The following PRIMA1 variants were observed in gnomAD, a reference collection of about 807,000 sequenced individuals.
PRIMA1 encodes the protein proline rich membrane anchor 1.
PRIMA1 carries 7 observed loss-of-function variants against 17.5 expected under a neutral mutation model. The observed-to-expected ratio is 0.40, with a 90% CI of 0.23 to 0.75. PRIMA1 has a LOEUF of 0.75. PRIMA1 is among the 30% of genes least tolerant of loss of function. PRIMA1 has a pLI of 0.37. For missense variants in PRIMA1, 200 were observed against 201.8 expected, an observed-to-expected ratio of 0.99 and a Z score of 0.05; for synonymous variants, 97 against 77.9, an observed-to-expected ratio of 1.25 and a Z score of -1.29.
chr14:93,760,503 C>T (rs1458665021), intron 3 of PRIMA1, among the ~76,000 whole-genome samples: 1 of 152,108 alleles, frequency 6.6e-6, no homozygotes. Context: ...CTAACTTTCT[C>T]GGAGGCAGAG....
intron 2 of PRIMA1, among the ~76,000 whole-genome samples, chr14:93,785,864 A>G (rs896835110): frequency 3.3e-5 from 5 of 151,526 alleles, no homozygotes; most frequent in Admixed American, 2.0e-4. Context: ...ATACACCCGC[A>G]CACACACACA....
intron 3 of PRIMA1, among the ~76,000 whole-genome samples, chr14:93,743,811 C>A (rs1489012695): frequency 6.6e-6 from 1 of 152,222 alleles, no homozygotes; most frequent in Non-Finnish European, 1.5e-5. Context: ...TCCCCTTTGG[C>A]ACCACTCCCT....
intron 3 of PRIMA1, among the ~76,000 whole-genome samples, chr14:93,761,261 G>C (rs1407473804): frequency 1.3e-5 from 2 of 152,196 alleles, no homozygotes; most frequent in Non-Finnish European, 2.9e-5. Flanking sequence ...TGAGGCATGA[G>C]AATCGATTGA....
intron 2 of PRIMA1, among the ~76,000 whole-genome samples, chr14:93,782,273 T>TG (rs1196098127): frequency 6.7e-6 from 1 of 148,714 alleles, no homozygotes; most frequent in East Asian, 2.0e-4. Context: ...GTCTCAAAAA[T>TG]AAATAAATAA....
chr14:93,748,180 A>T (rs2076238060), intron 3 of PRIMA1, among the ~76,000 whole-genome samples: 1 of 151,920 alleles, frequency 6.6e-6, no homozygotes, highest in Non-Finnish European at 1.5e-5. Flanking sequence ...GGCGAGGGGG[A>T]AGAGCTGAGC....
At chr14:93,742,860 C>T (rs991770919) in intron 3 of PRIMA1, among the ~76,000 whole-genome samples, 1 of 152,184 alleles carries the variant, frequency 6.6e-6, no homozygotes, top group Admixed American at 6.5e-5. Flanking sequence ...ACAGGCCACA[C>T]AGCCAGGGGC....
rs929246876 is a variant in PRIMA1, at chr14:93,787,845, G to A, written c.-31-96C>T. 7.2e-5 allele frequency: 102 copies of A among 1,413,244 alleles called. No individual in the cohort carries two copies. The Middle Eastern group carries it at 7.6e-4, about 10-fold the overall frequency. 87.5% of individuals were successfully genotyped at this position (1,413,244 alleles called of 1,614,324 possible). A position where few individuals can be genotyped will look rare whatever the true frequency, so the allele number is the denominator to read the frequency against. On this transcript the variant is annotated intron_variant, in intron 1 of 4. Transcript: ENST00000393140. ...CTCCCAGCCCGGGTCGGACGGGCACGCCCCGCACCCAGGGGCACCCTAGTA... is the reference window on the plus strand; with the variant it reads ...CTCCCAGCCCGGGTCGGACGGGCACACCCCGCACCCAGGGGCACCCTAGTA...
chr14:93,749,091 G>C (rs1301387399), intron 3 of PRIMA1, among the ~76,000 whole-genome samples: 1 of 152,192 alleles, frequency 6.6e-6, no homozygotes, highest in African/African-American at 2.4e-5. Flanking sequence ...TTACTCAACA[G>C]CATCTACTCT....
At chr14:93,733,350 C>T (rs1236622986) in intron 4 of PRIMA1, among the ~76,000 whole-genome samples, 1 of 152,192 alleles carries the variant, frequency 6.6e-6, no homozygotes, top group Non-Finnish European at 1.5e-5. Context: ...ACCTAATCTG[C>T]GTCTAGCAAG....
intron 3 of PRIMA1, among the ~76,000 whole-genome samples, chr14:93,774,067 G>A (rs1885140396): frequency 6.6e-6 from 1 of 152,046 alleles, no homozygotes; most frequent in South Asian, 2.1e-4. Context: ...ACTTCAGCCT[G>A]GGCGACAAAG....
At chr14:93,763,075 T>C (rs1884781666) in intron 3 of PRIMA1, among the ~76,000 whole-genome samples, 1 of 152,204 alleles carries the variant, frequency 6.6e-6, no homozygotes, top group Non-Finnish European at 1.5e-5. Context: ...ACTGGATAGC[T>C]CACAGGGCGA....
At chr14:93,758,280 A>T (rs1177929537) in intron 3 of PRIMA1, among the ~76,000 whole-genome samples, 1 of 152,144 alleles carries the variant, frequency 6.6e-6, no homozygotes, top group East Asian at 1.9e-4. Context: ...ATGACAAAAA[A>T]GTTCCAGTGA....
intron 2 of PRIMA1, among the ~76,000 whole-genome samples, chr14:93,782,161 G>A (rs1056713255): frequency 4.1e-4 from 63 of 152,108 alleles, no homozygotes; most frequent in East Asian, 2.7e-3. Flanking sequence ...CCAGCTACTC[G>A]GGAGGCTGAG....
intron 2 of PRIMA1, among the ~76,000 whole-genome samples, chr14:93,782,724 G>A (rs11620956): frequency 0.36 from 54,267 of 152,132 alleles, 11,726 homozygotes; most frequent in Non-Finnish European, 0.5. Context: ...CTCACAAAAG[G>A]ATCATGTCTG....
intron 3 of PRIMA1, among the ~76,000 whole-genome samples, chr14:93,758,060 A>G (rs1049047484): frequency 2.6e-5 from 4 of 152,174 alleles, no homozygotes; most frequent in African/African-American, 7.2e-5. Flanking sequence ...GGAACATTCC[A>G]GCTGAAACCA....
chr14:93,783,967 A>C (rs955297915), intron 2 of PRIMA1, among the ~76,000 whole-genome samples: 1 of 151,030 alleles, frequency 6.6e-6, no homozygotes, highest in African/African-American at 2.5e-5. Context: ...TTTTGGGTCC[A>C]GCAGACGTTG....
rs938850190 is a variant in PRIMA1, at chr14:93,766,742, C to A, written c.229+12434G>T. Among the ~76,000 whole-genome samples, 134 of 152,136 alleles carry A rather than the reference C, an allele frequency of 8.8e-4. 1 individual carries two copies. Among genetic ancestry groups the A allele is most frequent in the Admixed American group, 3.9e-4 (6 of 15,272 alleles). ...CCCCACACCCAGCAAAGACCCCTTG[C>A]AGACATCCACTTTAATATTTTCCCA... is the stretch of plus-strand genomic sequence containing the variant. On this transcript the variant is annotated intron_variant, in intron 3 of 4. Transcript: ENST00000393140.
chr14:93,738,508 A>T (rs1278325546), intron 3 of PRIMA1, among the ~76,000 whole-genome samples: 1 of 152,248 alleles, frequency 6.6e-6, no homozygotes, highest in Admixed American at 6.5e-5. Context: ...AACTTTGGAC[A>T]GGTCTCCAAG....
chr14:93,782,963 G>A (rs551482552), intron 2 of PRIMA1, among the ~76,000 whole-genome samples: 20 of 152,238 alleles, frequency 1.3e-4, no homozygotes, highest in East Asian at 3.9e-4. Flanking sequence ...ACAGGGTTTC[G>A]CTATGTTGAC....
Sources: allele counts gnomAD v4.1 joint callset (sites outside exome capture counted in the v4.1 genomes callset), GRCh38; gene constraint gnomAD v4.1.1; transcripts MANE v1.5; gene names NCBI Gene and HGNC (gene_info 2026-07-23, HGNC 2026-07-21).